Variants in IQANK1 observed in about 807,000 individuals in gnomAD.
The protein encoded by IQANK1 is IQ motif and ankyrin repeat containing 1.
In IQANK1, 30 loss-of-function variants were observed where a neutral mutation model predicts 22.6. The ratio of observed to expected loss-of-function variants is 1.33; its 90% CI spans 0.99 to 1.80. The LOEUF is 1.80. Among genes scored for constraint, IQANK1 ranks in the 40% most tolerant of loss-of-function variants. The pLI is 0.00. For synonymous variants in IQANK1, 122 were observed against 99.6 expected (o/e 1.23, Z -1.34); for missense variants, 275 against 235.2 (o/e 1.17, Z -1.11).
chr8:143,739,752 C>G, intron 2 of IQANK1, 107 bp from the exon 3 acceptor site: 3 of 578,558 alleles, frequency 5.2e-6, no homozygotes. Flanking sequence ...GGGGGGCTCC[C>G]TGTCTGCCAG....
intron 7 of IQANK1, among the ~76,000 whole-genome samples, chr8:143,783,359 G>C (rs1188626990): frequency 6.6e-6 from 1 of 152,104 alleles, no homozygotes; most frequent in East Asian, 1.9e-4. Context: ...AGAACTCTTA[G>C]GCATATTAGC....
intron 3 of IQANK1, among the ~76,000 whole-genome samples, chr8:143,755,075 A>C (rs2035226853): frequency 6.6e-6 from 1 of 152,192 alleles, no homozygotes; most frequent in South Asian, 2.1e-4. Flanking sequence ...AGGAGAAAGG[A>C]TAGCCAGGGC....
At chr8:143,760,512 C>CAA (rs536130468) in intron 3 of IQANK1, 9,908 of 126,680 alleles carry the variant, frequency 0.078, 495 homozygotes, top group Non-Finnish European at 0.11. Flanking sequence ...TTCATCTCTA[C>CAA]AAAAAAAAAA....
At chr8:143,779,019 G>A (rs1454012017) in intron 7 of IQANK1, among the ~76,000 whole-genome samples, 1 of 151,992 alleles carries the variant, frequency 6.6e-6, no homozygotes, top group Non-Finnish European at 1.5e-5. Context: ...TGCCTGCCTC[G>A]GCCTCCCAAA....
rs945475779 is a variant in IQANK1, at chr8:143,772,087, C to G, written c.507C>G (p.His169Gln). 1 of 396,278 alleles carries G rather than the reference C, an allele frequency of 2.5e-6. No individual in the cohort carries two copies. The highest frequency in any genetic ancestry group is 4.5e-6 in the Non-Finnish European group (1 of 224,692). The allele number at this position is 396,278 out of a possible 1,614,324, so 24.5% of individuals were successfully genotyped here. Reference protein sequence around the residue: ...EQLLTREGVGHDEAGEARRLQ... With the variant: ...EQLLTREGVGQDEAGEARRLQ... The stretch of plus-strand genomic sequence containing the variant: ...TGCTGACGCGCGAGGGCGTGGGCCA[C>G]GACGAGGCAGGCGAGGCGCGGCGGC... The change falls in exon 6 of 14, where the codon CAC becomes CAG. Residue 169 changes from histidine to glutamine, a missense_variant. Transcript: ENST00000527139.
Position 143,751,664 on chromosome 8 carries a change from G to GTGTATATA in IQANK1, c.175+11717_175+11718insGTATATAT, listed in dbSNP as rs370428606. 1.5e-3 allele frequency among the ~76,000 whole-genome samples: 91 copies of GTGTATATA among 61,540 alleles called. 1 individual carries two copies. The highest frequency in any genetic ancestry group is 3.9e-3 in the African/African-American group (88 of 22,854). The allele number at this position is 61,540 out of a possible 152,430, so 40.4% of individuals were successfully genotyped here. A position where few individuals can be genotyped will look rare whatever the true frequency, so the allele number is the denominator to read the frequency against. On this transcript the variant is annotated intron_variant, in intron 3 of 13. Coordinates refer to ENST00000527139, the MANE Select transcript of IQANK1 (RefSeq NM_001381874.1). ...TGTGTGTGTGTGTGTGTGTGTGTGT[G>GTGTATATA]TATATATATATATAAAATCCTATAC...
intron 3 of IQANK1, among the ~76,000 whole-genome samples, chr8:143,765,705 A>AT (rs1224949810): frequency 6.6e-6 from 1 of 152,166 alleles, no homozygotes; most frequent in Non-Finnish European, 1.5e-5. Context: ...GAAGTTTTAC[A>AT]TTTTGACATG....
intron 3 of IQANK1, among the ~76,000 whole-genome samples, chr8:143,751,477 T>C (rs1554628016): frequency 6.6e-6 from 1 of 151,260 alleles, no homozygotes; most frequent in Non-Finnish European, 1.5e-5. Context: ...TCGGGTGTGG[T>C]GGCAGGTGCC....
chr8:143,742,446 CA>C, intron 3 of IQANK1: 1 of 456,050 alleles, frequency 2.2e-6, no homozygotes. Context: ...ATCTGAGCTG[CA>C]AAAGGGGCGA....
intron 7 of IQANK1, among the ~76,000 whole-genome samples, chr8:143,781,888 A>C (rs781902534): frequency 4.6e-5 from 7 of 152,172 alleles, no homozygotes; most frequent in Non-Finnish European, 7.3e-5. Context: ...ATAGCGTCGA[A>C]TCTGTAAATT....
chr8:143,777,325 G>A (rs1554630514), intron 7 of IQANK1, among the ~76,000 whole-genome samples: 1 of 151,850 alleles, frequency 6.6e-6, no homozygotes, highest in Non-Finnish European at 1.5e-5. Flanking sequence ...AGACCAGGCT[G>A]GCTAACATGG....
At chr8:143,736,846 A>G (rs951537758) in intron 2 of IQANK1, among the ~76,000 whole-genome samples, 2 of 146,518 alleles carry the variant, frequency 1.4e-5, no homozygotes, top group Non-Finnish European at 3.0e-5. Context: ...GCTCCCATTT[A>G]TTCTCTATGC....
chr8:143,759,084 G>T, intron 3 of IQANK1: 2 of 297,774 alleles, frequency 6.7e-6, no homozygotes, highest in South Asian at 7.5e-5. Flanking sequence ...GGCCGGACAT[G>T]ACTCAATACT....
At chr8:143,741,427 C>A (rs1342396894) in intron 3 of IQANK1, among the ~76,000 whole-genome samples, 1 of 152,176 alleles carries the variant, frequency 6.6e-6, no homozygotes, top group Non-Finnish European at 1.5e-5. Flanking sequence ...ACAGGGAGCC[C>A]CATGACCCCT....
chr8:143,740,065 T>C, intron 3 of IQANK1, 117 bp downstream of exon 3: 3 of 546,796 alleles, frequency 5.5e-6, no homozygotes, highest in Non-Finnish European at 9.7e-6. Flanking sequence ...TGTACACATG[T>C]GCTTGTGCGC....
chr8:143,767,413 G>A (rs1400926063), intron 3 of IQANK1, among the ~76,000 whole-genome samples: 1 of 152,138 alleles, frequency 6.6e-6, no homozygotes. Context: ...TTTAATCCTA[G>A]TATTTGACAA....
At chr8:143,734,916 G>A (rs1398697518) in intron 1 of IQANK1, among the ~76,000 whole-genome samples, 3 of 148,656 alleles carry the variant, frequency 2.0e-5, no homozygotes, top group African/African-American at 7.5e-5. Context: ...CCCTCACTTA[G>A]GGCCCCTCCC....
intron 10 of IQANK1, 81 bp downstream of exon 10, chr8:143,789,609 T>C: frequency 3.3e-6 from 4 of 1,225,608 alleles, no homozygotes; most frequent in Non-Finnish European, 4.1e-6. Flanking sequence ...AGCTCCCCGC[T>C]CCCAGGCCTG....
intron 3 of IQANK1, among the ~76,000 whole-genome samples, chr8:143,751,255 A>T (rs1763685722): frequency 6.6e-6 from 1 of 152,142 alleles, no homozygotes; most frequent in South Asian, 2.1e-4. Context: ...TATCTAGGAA[A>T]AAAGTGGAGT....
Sources: gnomAD v4.1 joint callset for allele counts (sites outside exome capture counted in the v4.1 genomes callset) on GRCh38, gnomAD v4.1.1 for gene constraint, MANE v1.5 for transcripts, NCBI Gene and HGNC (gene_info 2026-07-23, HGNC 2026-07-21) for gene names.